Variants in BRINP3 observed in about 807,000 individuals in gnomAD.
BRINP3 encodes the protein BMP/retinoic acid inducible neural specific 3.
Under a neutral mutation model 71.0 loss-of-function variants are expected in BRINP3, and 19 were observed. The observed-to-expected ratio is 0.27, with a 90% CI of 0.19 to 0.39. BRINP3 has a LOEUF of 0.39. Ranked by LOEUF, BRINP3 falls within the 10% of genes least tolerant of loss-of-function variation. The probability of loss-of-function intolerance (pLI) is 1.00; values close to 1 mark genes in which losing one functional copy is unlikely to be tolerated. For missense variants in BRINP3, 959 were observed against 940.8 expected (o/e 1.02, Z -0.25); for synonymous variants, 380 against 337.7 (o/e 1.13, Z -1.37).
At chr1:190,104,530 C>T (rs1651976597) in intron 7 of BRINP3, among the ~76,000 whole-genome samples, 1 of 151,684 alleles carries the variant, frequency 6.6e-6, no homozygotes, top group Admixed American at 6.6e-5. Context: ...TGGAACATTT[C>T]GTTTTCTCTT....
chr1:190,444,151 T>C (rs1675032738), intron 2 of BRINP3, among the ~76,000 whole-genome samples: 1 of 143,332 alleles, frequency 7.0e-6, no homozygotes, highest in Non-Finnish European at 1.5e-5. Context: ...GAGAATAGTT[T>C]GAACCCAGGA....
At chr1:190,266,042 C>T (rs1423315449) in intron 3 of BRINP3, among the ~76,000 whole-genome samples, 1 of 151,998 alleles carries the variant, frequency 6.6e-6, no homozygotes, top group Non-Finnish European at 1.5e-5. Flanking sequence ...TTTCAATGTC[C>T]AAAAGACAAA....
intron 2 of BRINP3, among the ~76,000 whole-genome samples, chr1:190,407,169 TTAGTAGAAA>T (rs1672335309): frequency 6.6e-6 from 1 of 152,186 alleles, no homozygotes; most frequent in Non-Finnish European, 1.5e-5. Context: ...AAACACAGGC[TTAGTAGAAA>T]TAGTAGTATA....
At chr1:190,314,794 G>A (rs758314389) in intron 2 of BRINP3, among the ~76,000 whole-genome samples, 3 of 152,080 alleles carry the variant, frequency 2.0e-5, no homozygotes, top group South Asian at 2.1e-4. Context: ...ATCCCTAAAC[G>A]GAGACCTTGA....
At chr1:190,122,768 C>T (rs149582638) in intron 7 of BRINP3, among the ~76,000 whole-genome samples, 42 of 152,178 alleles carry the variant, frequency 2.8e-4, no homozygotes, top group African/African-American at 8.9e-4. Flanking sequence ...TTTTTCAGAA[C>T]TTTGAAAGAA....
At position 190,283,697 on chromosome 1, in the gene BRINP3, T is replaced by A. The variant is rs941303717; in HGVS notation, c.237-1947A>T. ...TAAAAATTTAAACATTGACAAAAGA[T>A]CATTTGAAATCAAATATTTAAGTCC... On this transcript the variant is annotated intron_variant, in intron 2 of 7. Transcript: ENST00000367462. Among the ~76,000 whole-genome samples the A allele has an allele frequency of 1.1e-4, 17 of 149,886 alleles. No homozygotes were observed. In the South Asian group the frequency reaches 2.9e-3, roughly 26 times the overall value.
chr1:190,099,114 G>A lies in BRINP3; in HGVS notation c.1205C>T (p.Thr402Ile), dbSNP rs546624036. Residue 402 changes from threonine to isoleucine, a missense_variant, in exon 8 of 8, where the codon ACT becomes ATT. Coordinates refer to ENST00000367462, the MANE Select transcript of BRINP3 (RefSeq NM_199051.3). ...GCAGTAGAGAAAAGACTGGATGCGAGTAAGCCAGTAGGTTGAGGTTCTAGA... is the reference window on the plus strand; with the variant it reads ...GCAGTAGAGAAAAGACTGGATGCGAATAAGCCAGTAGGTTGAGGTTCTAGA... Reference protein sequence around the residue: ...PRQRTSTYWLTRIQSFLYCNE... With the variant: ...PRQRTSTYWLIRIQSFLYCNE... 6.2e-7 allele frequency: 1 copy of A among 1,613,830 alleles called. No individual in the cohort carries two copies. The highest frequency in any genetic ancestry group is 1.7e-5 in the Admixed American group (1 of 60,024).
intron 2 of BRINP3, among the ~76,000 whole-genome samples, chr1:190,350,187 GACAA>G (rs1437415636): frequency 1.3e-5 from 2 of 152,050 alleles, no homozygotes; most frequent in Admixed American, 1.3e-4. Flanking sequence ...GGCTAAAGCA[GACAA>G]ACAGATGAAA....
chr1:190,429,364 C>G lies in BRINP3; in HGVS notation c.236+25291G>C, dbSNP rs149595290. Among the ~76,000 whole-genome samples the G allele has an allele frequency of 1.1e-3, 171 of 152,170 alleles. 1 individual carries two copies. The highest frequency in any genetic ancestry group is 2.1e-4 in the Non-Finnish European group (14 of 67,994). Reference sequence around the variant, plus strand: ...ACATAATTTGGAAACTATGCAACCACTACAAAAAATATGGTAGACTTTTGT... The same window carrying G: ...ACATAATTTGGAAACTATGCAACCAGTACAAAAAATATGGTAGACTTTTGT... On this transcript the variant is annotated intron_variant, in intron 2 of 7. Transcript: ENST00000367462.
At chr1:190,203,454 T>C (rs1655188711) in intron 6 of BRINP3, among the ~76,000 whole-genome samples, 2 of 147,882 alleles carry the variant, frequency 1.4e-5, no homozygotes, top group South Asian at 4.2e-4. Flanking sequence ...TGTGTGTGTA[T>C]ATATATATGT....
At position 190,239,898 on chromosome 1, in the gene BRINP3, A is replaced by G. The variant is rs146083623; in HGVS notation, c.619-5421T>C. ...TGCTGAAATCTGACACTGAAAGATT[A>G]TGAAAAACAAACTACTTTTTTCAAT... On this transcript the variant is annotated intron_variant, in intron 4 of 7. Coordinates refer to ENST00000367462, the MANE Select transcript of BRINP3 (RefSeq NM_199051.3). 5.5e-3 allele frequency among the ~76,000 whole-genome samples: 831 copies of G among 152,072 alleles called. 6 individuals carry two copies. Among genetic ancestry groups the G allele is most frequent in the African/African-American group, 0.018 (760 of 41,582 alleles).
intron 6 of BRINP3, among the ~76,000 whole-genome samples, chr1:190,177,150 C>CTTTTATT (rs1652592928): frequency 1.6e-5 from 1 of 63,212 alleles, no homozygotes; most frequent in African/African-American, 7.3e-5. Context: ...GCACCCACTT[C>CTTTTATT]TTTTTTTTTT....
At chr1:190,449,800 G>T (rs1027123141) in intron 2 of BRINP3, among the ~76,000 whole-genome samples, 2 of 151,960 alleles carry the variant, frequency 1.3e-5, no homozygotes, top group Admixed American at 1.3e-4. Flanking sequence ...CTGACAATCT[G>T]AACAAGAAAG....
chr1:190,364,153 A>G (rs1310071993), intron 2 of BRINP3, among the ~76,000 whole-genome samples: 2 of 152,168 alleles, frequency 1.3e-5, no homozygotes, highest in Non-Finnish European at 1.5e-5. Context: ...ATTCTGGGAA[A>G]GTAATCCCCT....
At chr1:190,399,887 C>A (rs1217295524) in intron 2 of BRINP3, among the ~76,000 whole-genome samples, 2 of 151,990 alleles carry the variant, frequency 1.3e-5, no homozygotes, top group African/African-American at 2.4e-5. Flanking sequence ...TATACTGAAG[C>A]TCCAATCTAT....
chr1:190,342,333 G>T (rs527713212), intron 2 of BRINP3: 213 of 142,980 alleles, frequency 1.5e-3, no homozygotes, highest in African/African-American at 5.5e-3. Context: ...CATTTGGGGG[G>T]CCACTATTCT....
intron 7 of BRINP3, among the ~76,000 whole-genome samples, chr1:190,134,360 G>C (rs1043850220): frequency 6.6e-6 from 1 of 152,012 alleles, no homozygotes; most frequent in African/African-American, 2.4e-5. Context: ...AGTTCATTGA[G>C]AGTGACAAAG....
intron 6 of BRINP3, among the ~76,000 whole-genome samples, chr1:190,167,549 A>C (rs1354607358): frequency 6.6e-6 from 1 of 152,184 alleles, no homozygotes; most frequent in Non-Finnish European, 1.5e-5. Context: ...TGAGACTTTC[A>C]AAGCCTGTGC....
chr1:190,124,920 A>C (rs1653964737), intron 7 of BRINP3, among the ~76,000 whole-genome samples: 1 of 152,088 alleles, frequency 6.6e-6, no homozygotes, highest in Admixed American at 6.6e-5. Context: ...TATTCCACAG[A>C]GTGTCATGAA....
Sources: allele counts gnomAD v4.1 joint callset (sites outside exome capture counted in the v4.1 genomes callset), GRCh38; gene constraint gnomAD v4.1.1; transcripts MANE v1.5; gene names NCBI Gene and HGNC (gene_info 2026-07-23, HGNC 2026-07-21).